Variants in GPC6 observed in about 807,000 individuals in gnomAD.
The protein encoded by GPC6 is glypican-6.
Under a neutral mutation model 55.2 loss-of-function variants are expected in GPC6, and 14 were observed. The ratio of observed to expected loss-of-function variants is 0.25; its 90% CI spans 0.17 to 0.40. The LOEUF (loss-of-function observed/expected upper bound fraction) is 0.40. GPC6 is among the 10% of genes least tolerant of loss of function. GPC6 has a pLI of 1.00. For missense variants in GPC6, 641 were observed against 708.5 expected, an observed-to-expected ratio of 0.90 and a Z score of 1.08; for synonymous variants, 278 against 259.6, an observed-to-expected ratio of 1.07 and a Z score of -0.68.
At chr13:94,055,614 A>G (rs891607521) in intron 4 of GPC6, among the ~76,000 whole-genome samples, 1 of 152,178 alleles carries the variant, frequency 6.6e-6, no homozygotes, top group Non-Finnish European at 1.5e-5. Flanking sequence ...ATTAATGGGT[A>G]CACTTTTTAG....
At chr13:93,270,082 A>T (rs1040430787) in intron 1 of GPC6, among the ~76,000 whole-genome samples, 4 of 151,364 alleles carry the variant, frequency 2.6e-5, no homozygotes, top group Non-Finnish European at 5.9e-5. Flanking sequence ...TAGTAAGACT[A>T]TGGCTCTCAA....
intron 2 of GPC6, among the ~76,000 whole-genome samples, chr13:93,601,127 A>G (rs1398333147): frequency 2.6e-5 from 4 of 151,552 alleles, no homozygotes; most frequent in Non-Finnish European, 5.9e-5. Flanking sequence ...GGTGGCTCAC[A>G]TCTGTGAACC....
chr13:93,682,014 C>T (rs141847656), intron 2 of GPC6, among the ~76,000 whole-genome samples: 1 of 152,054 alleles, frequency 6.6e-6, no homozygotes, highest in African/African-American at 2.4e-5. Flanking sequence ...TAGAGAAGAA[C>T]ATTTTAGTAT....
intron 4 of GPC6, among the ~76,000 whole-genome samples, chr13:94,281,257 T>C (rs963547495): frequency 1.3e-5 from 2 of 152,188 alleles, no homozygotes; most frequent in African/African-American, 4.8e-5. Flanking sequence ...GGTATACATG[T>C]GCCATGGTGG....
intron 1 of GPC6, among the ~76,000 whole-genome samples, chr13:93,386,339 C>T (rs1875405426): frequency 1.3e-5 from 2 of 152,314 alleles, no homozygotes; most frequent in Non-Finnish European, 2.9e-5. Context: ...TTGTTTCCTA[C>T]GATGTCTCCC....
intron 4 of GPC6, among the ~76,000 whole-genome samples, chr13:94,273,976 C>G (rs905722727): frequency 1.3e-5 from 2 of 152,178 alleles, no homozygotes; most frequent in African/African-American, 4.8e-5. Context: ...GTAGTATATA[C>G]TTTGATGTCC....
intron 3 of GPC6, among the ~76,000 whole-genome samples, chr13:93,998,380 C>A (rs954783194): frequency 1.3e-5 from 2 of 152,260 alleles, no homozygotes; most frequent in Middle Eastern, 3.4e-3. Context: ...AACATTGGTT[C>A]TTGCAAACCA....
At chr13:93,367,402 T>A (rs1881290500) in intron 1 of GPC6, among the ~76,000 whole-genome samples, 1 of 152,140 alleles carries the variant, frequency 6.6e-6, no homozygotes, top group African/African-American at 2.4e-5. Context: ...AAGATTCAGC[T>A]TTTTGTTTCA....
chr13:94,390,606 G>A (rs1880600756), intron 7 of GPC6, among the ~76,000 whole-genome samples: 1 of 152,116 alleles, frequency 6.6e-6, no homozygotes, highest in Admixed American at 6.6e-5. Flanking sequence ...AATCTATCAT[G>A]AGAACAACAC....
At chr13:93,352,363 C>T (rs1268626584) in intron 1 of GPC6, among the ~76,000 whole-genome samples, 1 of 152,040 alleles carries the variant, frequency 6.6e-6, no homozygotes, top group Admixed American at 6.6e-5. Flanking sequence ...GTTAATATAG[C>T]AATGGGGATT....
chr13:94,097,151 T>G (rs1885689895), intron 4 of GPC6, among the ~76,000 whole-genome samples: 1 of 151,938 alleles, frequency 6.6e-6, no homozygotes, highest in Non-Finnish European at 1.5e-5. Flanking sequence ...ATGTAATTAA[T>G]GTGTGTGAAA....
At chr13:93,320,422 AT>A (rs1339049480) in intron 1 of GPC6, among the ~76,000 whole-genome samples, 1 of 151,960 alleles carries the variant, frequency 6.6e-6, no homozygotes, top group Non-Finnish European at 1.5e-5. Context: ...GAGGGCTTCA[AT>A]TCATTAGAGA....
intron 6 of GPC6, among the ~76,000 whole-genome samples, chr13:94,358,639 T>C (rs1878913336): frequency 6.6e-6 from 1 of 152,160 alleles, no homozygotes; most frequent in Non-Finnish European, 1.5e-5. Flanking sequence ...GGATACAAGT[T>C]AAGAGTGCGA....
At chr13:93,272,742 A>T (rs1157813443) in intron 1 of GPC6, among the ~76,000 whole-genome samples, 1 of 152,102 alleles carries the variant, frequency 6.6e-6, no homozygotes, top group South Asian at 2.1e-4. Flanking sequence ...ATCACTGGCA[A>T]TAGCTGAGAA....
chr13:93,679,889 T>C (rs1169145261), intron 2 of GPC6, among the ~76,000 whole-genome samples: 1 of 151,790 alleles, frequency 6.6e-6, no homozygotes, highest in African/African-American at 2.4e-5. Flanking sequence ...CATATTATTA[T>C]AATTATAATA....
chr13:93,569,584 A>G (rs1031135234), intron 2 of GPC6, among the ~76,000 whole-genome samples: 6 of 152,092 alleles, frequency 3.9e-5, no homozygotes, highest in African/African-American at 1.2e-4. Flanking sequence ...CTCATTCTCT[A>G]TGGTTGTAGG....
At chr13:93,449,593 C>T (rs923749471) in intron 1 of GPC6, among the ~76,000 whole-genome samples, 7 of 152,084 alleles carry the variant, frequency 4.6e-5, no homozygotes, top group Non-Finnish European at 8.8e-5. Context: ...TTTGGGAGGC[C>T]GAGGTGGGTG....
intron 6 of GPC6, among the ~76,000 whole-genome samples, chr13:94,319,215 A>G (rs1407447325): frequency 6.6e-6 from 1 of 151,998 alleles, no homozygotes; most frequent in Non-Finnish European, 1.5e-5. Context: ...AGTGTTTGGA[A>G]CCTAATACTG....
chr13:94,062,137 T>C (rs1884352245), intron 4 of GPC6, among the ~76,000 whole-genome samples: 1 of 152,214 alleles, frequency 6.6e-6, no homozygotes, highest in Non-Finnish European at 1.5e-5. Flanking sequence ...CTAATATTTT[T>C]TTTTCGTTTG....
Sources: gnomAD v4.1 joint callset for allele counts (sites outside exome capture counted in the v4.1 genomes callset) on GRCh38, gnomAD v4.1.1 for gene constraint, MANE v1.5 for transcripts, NCBI Gene and HGNC (gene_info 2026-07-23, HGNC 2026-07-21) for gene names.